KDM4C: variants seen among roughly 807,000 people sequenced by gnomAD.
KDM4C encodes lysine-specific demethylase 4C.
In KDM4C, 81 loss-of-function variants were observed where a neutral mutation model predicts 129.3. That is an observed-to-expected ratio of 0.63 (90% CI 0.52 to 0.75). The LOEUF (loss-of-function observed/expected upper bound fraction) is 0.75, where lower values mean the gene tolerates loss of function less well. Ranked by LOEUF, KDM4C falls within the 30% of genes least tolerant of loss-of-function variation. KDM4C has a pLI of 0.00. For missense variants in KDM4C, 1,457 were observed against 1,304.0 expected, an observed-to-expected ratio of 1.12 and a Z score of -1.81; for synonymous variants, 573 against 456.1, an observed-to-expected ratio of 1.26 and a Z score of -3.26.
At chr9:6,826,231 T>A (rs1833848245) in intron 4 of KDM4C, among the ~76,000 whole-genome samples, 1 of 152,158 alleles carries the variant, frequency 6.6e-6, no homozygotes, top group Admixed American at 6.5e-5. Context: ...GGTGTCCTAT[T>A]CTTTCCATTT....
intron 17 of KDM4C, among the ~76,000 whole-genome samples, chr9:7,070,489 TAAC>T: frequency 6.6e-6 from 1 of 152,254 alleles, no homozygotes; most frequent in East Asian, 1.9e-4. Flanking sequence ...TCATAATAAT[TAAC>T]AAACTGAATC....
rs1283903469 is a variant in KDM4C at position 7,124,925 on chromosome 9, CA to C, written c.2611-3140del. ...CTTTCCCCTTTGTCCAAATCATGAGCATTCTTGTCCGCAGTTCCTTTCTTCA... is the reference window on the plus strand; with the variant it reads ...CTTTCCCCTTTGTCCAAATCATGAGCTTCTTGTCCGCAGTTCCTTTCTTCA... On this transcript the variant is annotated intron_variant, in intron 18 of 21. Transcript: ENST00000381309. 1.2e-4 allele frequency among the ~76,000 whole-genome samples: 19 copies of C among 152,228 alleles called. No individual in the cohort carries two copies. The South Asian group carries it at 3.7e-3, about 30-fold the overall frequency.
At chr9:6,843,866 C>A (rs1025232514) in intron 4 of KDM4C, among the ~76,000 whole-genome samples, 1 of 152,020 alleles carries the variant, frequency 6.6e-6, no homozygotes, top group Admixed American at 6.6e-5. Context: ...CCATCTTTTT[C>A]TTTTTGAGAC....
chr9:6,898,486 G>C (rs147529895), intron 8 of KDM4C, among the ~76,000 whole-genome samples: 206 of 152,282 alleles, frequency 1.4e-3, no homozygotes, highest in African/African-American at 4.7e-3. Flanking sequence ...AATTTTAAGT[G>C]ATCATATTAA....
chr9:6,925,478 T>A (rs1243874511), intron 8 of KDM4C: 1 of 650,032 alleles, frequency 1.5e-6, no homozygotes, highest in African/African-American at 2.1e-5. Context: ...TCTTTTCAAA[T>A]AAGGACATAT....
intron 4 of KDM4C, among the ~76,000 whole-genome samples, chr9:6,846,311 A>AT (rs1564147963): frequency 6.6e-6 from 1 of 152,218 alleles, no homozygotes; most frequent in Non-Finnish European, 1.5e-5. Context: ...TGGGAATAAC[A>AT]TTACCTATTT....
At chr9:6,754,095 C>T (rs1198198853), upstream of KDM4C, among the ~76,000 whole-genome samples, 1 of 151,566 alleles carries the variant, frequency 6.6e-6, no homozygotes, top group Non-Finnish European at 1.5e-5. Context: ...AGGATGGTCT[C>T]GATCTCCTGA....
chr9:6,763,636 T>TA (rs1238762482), intron 1 of KDM4C, among the ~76,000 whole-genome samples: 1 of 152,230 alleles, frequency 6.6e-6, no homozygotes, highest in Non-Finnish European at 1.5e-5. Flanking sequence ...GAATCAGTGT[T>TA]ACCATTGTGA....
chr9:6,909,275 G>A (rs1039805070), intron 8 of KDM4C, among the ~76,000 whole-genome samples: 3 of 152,250 alleles, frequency 2.0e-5, no homozygotes, highest in African/African-American at 7.2e-5. Context: ...ATGTGGCCAA[G>A]AGAACAGATG....
At position 6,995,141 on chromosome 9, in the gene KDM4C, A is replaced by ATT. The variant is rs35711391; in HGVS notation, c.1786+4630_1786+4631dup. On this transcript the variant is annotated intron_variant, in intron 12 of 21. Transcript: ENST00000381309. ...ATTAGAGAATGGGTTTTTTCCTAGGATTTTTTTTTTTTTTGGATTGCTGAG... is the reference window on the plus strand; with the variant it reads ...ATTAGAGAATGGGTTTTTTCCTAGGATTTTTTTTTTTTTTTTGGATTGCTGAG... Among the ~76,000 whole-genome samples the ATT allele has an allele frequency of 6.8e-4, 98 of 144,258 alleles. 3 individuals carry two copies. The highest frequency in any genetic ancestry group is 5.9e-3 in the South Asian group (27 of 4,552). 94.6% of individuals were successfully genotyped at this position (144,258 alleles called of 152,430 possible). A position where few individuals can be genotyped will look rare whatever the true frequency, so the allele number is the denominator to read the frequency against.
At chr9:6,904,406 ATT>A (rs34938835) in intron 8 of KDM4C, among the ~76,000 whole-genome samples, 138 of 144,252 alleles carry the variant, frequency 9.6e-4, no homozygotes, top group Middle Eastern at 3.6e-3. Flanking sequence ...TTTGCAGTGG[ATT>A]TTTTTTTTTT....
chr9:6,767,556 TC>T (rs1820888400), intron 1 of KDM4C, among the ~76,000 whole-genome samples: 1 of 152,150 alleles, frequency 6.6e-6, no homozygotes, highest in Non-Finnish European at 1.5e-5. Context: ...TGCCTCAGTC[TC>T]CCGAGTAGCT....
At chr9:7,044,245 T>TGA (rs1431095050) in intron 15 of KDM4C, among the ~76,000 whole-genome samples, 38 of 152,074 alleles carry the variant, frequency 2.5e-4, no homozygotes, top group South Asian at 6.2e-4. Context: ...TTTAGTTTAA[T>TGA]TATTGATGAA....
intron 1 of KDM4C, among the ~76,000 whole-genome samples, chr9:6,772,218 C>A (rs539504813): frequency 6.8e-6 from 1 of 148,122 alleles, no homozygotes; most frequent in South Asian, 2.2e-4. Context: ...GGCGCGATCT[C>A]GGCTCACTGC....
At chr9:6,790,501 G>A (rs1293760879) in intron 1 of KDM4C, among the ~76,000 whole-genome samples, 2 of 150,378 alleles carry the variant, frequency 1.3e-5, no homozygotes, top group Non-Finnish European at 3.0e-5. Context: ...TGATCCGCCC[G>A]CCTCGGCCTC....
At chr9:6,850,349 A>AT in intron 5 of KDM4C, among the ~76,000 whole-genome samples, 1 of 152,360 alleles carries the variant, frequency 6.6e-6, no homozygotes, top group Middle Eastern at 3.4e-3. Flanking sequence ...GTTGGATGGT[A>AT]TGTAGGAGGT....
intron 8 of KDM4C, among the ~76,000 whole-genome samples, chr9:6,933,212 G>A (rs184781809): frequency 6.6e-6 from 1 of 152,306 alleles, no homozygotes; most frequent in East Asian, 1.9e-4. Context: ...AATAGGTATA[G>A]GATGTTAACT....
At chr9:7,168,624 A>T (rs1844642451) in intron 20 of KDM4C, among the ~76,000 whole-genome samples, 2 of 147,758 alleles carry the variant, frequency 1.4e-5, no homozygotes, top group Non-Finnish European at 1.5e-5. Flanking sequence ...GTATTTTCAC[A>T]CATTGATGAG....
At chr9:6,853,039 GT>G (rs1329207423) in intron 5 of KDM4C, among the ~76,000 whole-genome samples, 1 of 149,950 alleles carries the variant, frequency 6.7e-6, no homozygotes, top group South Asian at 2.1e-4. Context: ...TTTTGTGTGT[GT>G]TTTTTTTTCA....
Sources: gnomAD v4.1 joint callset for allele counts (sites outside exome capture counted in the v4.1 genomes callset) on GRCh38, gnomAD v4.1.1 for gene constraint, MANE v1.5 for transcripts, NCBI Gene and HGNC (gene_info 2026-07-23, HGNC 2026-07-21) for gene names.